KDM4C: variants seen among roughly 807,000 people sequenced by gnomAD.
The protein encoded by KDM4C is lysine-specific demethylase 4C.
A neutral mutation model predicts 129.3 loss-of-function variants in KDM4C; 81 were observed. The observed-to-expected ratio is 0.63, with a 90% confidence interval of 0.52 to 0.75. The LOEUF (loss-of-function observed/expected upper bound fraction) is 0.75, where lower values mean the gene tolerates loss of function less well. Ranked by LOEUF, KDM4C falls within the 30% of genes least tolerant of loss-of-function variation. The pLI, the probability that KDM4C is intolerant of heterozygous loss-of-function variation, is 0.00. For synonymous variants in KDM4C, 573 were observed against 456.1 expected, an observed-to-expected ratio of 1.26 and a Z score of -3.26; for missense variants, 1,457 against 1,304.0, an observed-to-expected ratio of 1.12 and a Z score of -1.81.
intron 8 of KDM4C, among the ~76,000 whole-genome samples, chr9:6,913,496 A>T (rs1188448262): frequency 1.3e-5 from 2 of 152,188 alleles, no homozygotes; most frequent in African/African-American, 4.8e-5. Flanking sequence ...AATACGTTTC[A>T]TGTACAGTGC....
intron 20 of KDM4C, among the ~76,000 whole-genome samples, chr9:7,169,065 A>T (rs1198189696): frequency 6.6e-6 from 1 of 151,550 alleles, no homozygotes; most frequent in African/African-American, 2.4e-5. Context: ...AAAAAAAAAA[A>T]AAAGGAAATA....
intron 16 of KDM4C, among the ~76,000 whole-genome samples, chr9:7,048,247 G>T (rs964614692): frequency 1.3e-5 from 2 of 152,056 alleles, no homozygotes; most frequent in Non-Finnish European, 2.9e-5. Flanking sequence ...TGGAATGATA[G>T]TATTTATTTC....
chr9:7,001,733 T>G (rs1820754232), intron 12 of KDM4C, among the ~76,000 whole-genome samples: 1 of 147,402 alleles, frequency 6.8e-6, no homozygotes, highest in Non-Finnish European at 1.5e-5. Context: ...AGCTGACATC[T>G]TTTTTTTTTT....
chr9:6,995,926 C>T (rs1819646676), intron 12 of KDM4C, among the ~76,000 whole-genome samples: 2 of 152,162 alleles, frequency 1.3e-5, no homozygotes, highest in Non-Finnish European at 2.9e-5. Flanking sequence ...CCTCGGCCTC[C>T]CAAAGTGCTG....
chr9:6,831,022 A>ATACT lies in KDM4C; in HGVS notation c.435+16279_435+16282dup, dbSNP rs548307507. 3.0e-4 allele frequency among the ~76,000 whole-genome samples: 45 copies of ATACT among 152,358 alleles called. No homozygotes were observed. In the South Asian group the frequency reaches 9.1e-3, roughly 31 times the overall value. ...TTAAGAAAAGGCTCAAGTACAGCCC[A>ATACT]TACTTTGCTACCATTCAAGAATTAA... On this transcript the variant is annotated intron_variant, in intron 4 of 21. Coordinates refer to ENST00000381309, the MANE Select transcript of KDM4C (RefSeq NM_015061.6).
intron 4 of KDM4C, among the ~76,000 whole-genome samples, chr9:6,840,185 A>C (rs186873175): frequency 4.7e-4 from 70 of 149,768 alleles, no homozygotes; most frequent in African/African-American, 7.1e-4. Context: ...TGCTCTTTCT[A>C]CCTCAGCCTC....
upstream of KDM4C, among the ~76,000 whole-genome samples, chr9:6,755,822 G>C (rs1818234686): frequency 1.3e-5 from 2 of 152,190 alleles, no homozygotes; most frequent in South Asian, 2.1e-4. Flanking sequence ...CATGAGTCCA[G>C]TTGATTTTCT....
chr9:6,944,338 A>G (rs1347719604), intron 8 of KDM4C, among the ~76,000 whole-genome samples: 15 of 152,140 alleles, frequency 9.9e-5, no homozygotes. Context: ...TGTTCTCCAA[A>G]TTGCTTTTCA....
intron 19 of KDM4C, among the ~76,000 whole-genome samples, chr9:7,162,490 A>G (rs1442940013): frequency 1.3e-5 from 2 of 152,210 alleles, no homozygotes; most frequent in Non-Finnish European, 2.9e-5. Context: ...CATTGTTTCC[A>G]AAAGGTTTTT....
chr9:6,759,490 C>A (rs948083564), intron 1 of KDM4C, among the ~76,000 whole-genome samples: 2 of 152,168 alleles, frequency 1.3e-5, no homozygotes, highest in African/African-American at 2.4e-5. Flanking sequence ...TGTTTTGGAA[C>A]GGATTACACG....
intron 1 of KDM4C, among the ~76,000 whole-genome samples, chr9:6,764,428 G>C (rs1356688978): frequency 6.6e-6 from 1 of 152,112 alleles, no homozygotes; most frequent in East Asian, 1.9e-4. Context: ...TATTTGTACT[G>C]TTTGTTTTAT....
chr9:6,928,970 A>AAG (rs1823151892), intron 8 of KDM4C, among the ~76,000 whole-genome samples: 1 of 152,180 alleles, frequency 6.6e-6, no homozygotes, highest in African/African-American at 2.4e-5. Flanking sequence ...CTTGTGCTTT[A>AAG]GTAAAACCAA....
intron 8 of KDM4C, among the ~76,000 whole-genome samples, chr9:6,975,973 G>C (rs1832846092): frequency 6.6e-6 from 1 of 152,208 alleles, no homozygotes; most frequent in Non-Finnish European, 1.5e-5. Context: ...GGGAGGGAGA[G>C]GTTGCAGTGA....
At chr9:6,833,542 A>G (rs890666001) in intron 4 of KDM4C, among the ~76,000 whole-genome samples, 5 of 152,198 alleles carry the variant, frequency 3.3e-5, no homozygotes, top group African/African-American at 1.2e-4. Flanking sequence ...CGGCCCTGTG[A>G]TTATGAACTG....
chr9:7,170,739 C>T (rs1016266928), intron 21 of KDM4C: 2 of 981,940 alleles, frequency 2.0e-6, no homozygotes, highest in Admixed American at 6.2e-5. Context: ...TTAGTGAGTG[C>T]TTATGATATA....
intron 15 of KDM4C, among the ~76,000 whole-genome samples, chr9:7,022,525 A>G (rs969520540): frequency 6.6e-6 from 1 of 151,950 alleles, no homozygotes; most frequent in African/African-American, 2.4e-5. Flanking sequence ...TGAATTTATC[A>G]GTTCTAGTAG....
intron 8 of KDM4C, among the ~76,000 whole-genome samples, chr9:6,899,347 A>G (rs1816978401): frequency 6.6e-6 from 1 of 152,054 alleles, no homozygotes; most frequent in Admixed American, 6.6e-5. Flanking sequence ...CCCAATGTCC[A>G]TAGTTTTTTT....
chr9:7,148,061 A>G (rs1378784043), intron 19 of KDM4C, among the ~76,000 whole-genome samples: 1 of 152,188 alleles, frequency 6.6e-6, no homozygotes, highest in African/African-American at 2.4e-5. Flanking sequence ...AAGGCATGCC[A>G]GCTGTTGTGG....
chr9:7,034,158 C>A (rs1791779266), intron 15 of KDM4C, among the ~76,000 whole-genome samples: 1 of 152,044 alleles, frequency 6.6e-6, no homozygotes, highest in Non-Finnish European at 1.5e-5. Flanking sequence ...GTATAGTGAT[C>A]AGGGCAATTA....
Sources: allele counts gnomAD v4.1 joint callset (sites outside exome capture counted in the v4.1 genomes callset), GRCh38; gene constraint gnomAD v4.1.1; transcripts MANE v1.5; gene names NCBI Gene and HGNC (gene_info 2026-07-23, HGNC 2026-07-21).